Variants in WWOX observed in about 807,000 individuals in gnomAD.
WWOX encodes WW domain containing oxidoreductase, also known as WW domain-containing oxidoreductase.
A neutral mutation model predicts 46.2 loss-of-function variants in WWOX; 69 were observed. The observed-to-expected ratio is 1.49, with a 90% confidence interval of 1.23 to 1.82. WWOX has a LOEUF of 1.82. Ranked by LOEUF, WWOX falls within the 40% of genes most tolerant of loss-of-function variation. WWOX has a pLI of 0.00. For synonymous variants in WWOX, 359 were observed against 202.6 expected, an observed-to-expected ratio of 1.77 and a Z score of -6.56; for missense variants, 919 against 542.6, an observed-to-expected ratio of 1.69 and a Z score of -6.89.
intron 8 of WWOX, among the ~76,000 whole-genome samples, chr16:78,853,381 T>C (rs2052494977): frequency 1.3e-5 from 2 of 152,090 alleles, no homozygotes; most frequent in African/African-American, 2.4e-5. Context: ...CCCGACTGAT[T>C]TTTGTATTTT....
intron 8 of WWOX, among the ~76,000 whole-genome samples, chr16:78,995,521 G>A (rs1383952908): frequency 6.6e-6 from 1 of 151,934 alleles, no homozygotes; most frequent in Non-Finnish European, 1.5e-5. Context: ...AACTTGGAGA[G>A]CATTCTTCTA....
At chr16:78,807,077 C>T (rs1386367271) in intron 8 of WWOX, among the ~76,000 whole-genome samples, 2 of 152,198 alleles carry the variant, frequency 1.3e-5, no homozygotes, top group African/African-American at 4.8e-5. Flanking sequence ...AAGCATCCAC[C>T]AAGTGCCTGG....
At chr16:78,857,668 C>T (rs1001662781) in intron 8 of WWOX, among the ~76,000 whole-genome samples, 4 of 152,308 alleles carry the variant, frequency 2.6e-5, no homozygotes, top group Middle Eastern at 3.4e-3. Context: ...AATGCCTCCA[C>T]CAAGGCTGAA....
chr16:78,212,556 T>C (rs1008441557), intron 5 of WWOX, among the ~76,000 whole-genome samples: 1 of 152,188 alleles, frequency 6.6e-6, no homozygotes, highest in Non-Finnish European at 1.5e-5. Context: ...AGCTGAAATG[T>C]GGGTGAGTTC....
chr16:79,056,111 A>G (rs2048257190), intron 8 of WWOX, among the ~76,000 whole-genome samples: 1 of 151,922 alleles, frequency 6.6e-6, no homozygotes, highest in Non-Finnish European at 1.5e-5. Context: ...CACTATCCCC[A>G]TTAAATTCTC....
intron 8 of WWOX, among the ~76,000 whole-genome samples, chr16:78,738,795 T>A (rs1364293): frequency 6.6e-6 from 1 of 152,018 alleles, no homozygotes; most frequent in Non-Finnish European, 1.5e-5. Context: ...GCCATTGCCT[T>A]GACCACAAAG....
intron 8 of WWOX, among the ~76,000 whole-genome samples, chr16:79,055,321 C>G (rs1414465598): frequency 6.6e-6 from 1 of 152,196 alleles, no homozygotes; most frequent in Non-Finnish European, 1.5e-5. Flanking sequence ...CTTTTCTACT[C>G]ATCTCATTGA....
chr16:78,638,277 C>T (rs1258964520), intron 8 of WWOX, among the ~76,000 whole-genome samples: 1 of 152,188 alleles, frequency 6.6e-6, no homozygotes, highest in South Asian at 2.1e-4. Flanking sequence ...TGGCCAGGGG[C>T]AGAGTCAGGA....
chr16:78,553,691 G>A (rs1012108639), intron 8 of WWOX, among the ~76,000 whole-genome samples: 1 of 152,136 alleles, frequency 6.6e-6, no homozygotes, highest in East Asian at 1.9e-4. Flanking sequence ...CCATGATAGA[G>A]AACCTTTCCC....
intron 8 of WWOX, among the ~76,000 whole-genome samples, chr16:78,943,317 G>A (rs1453672352): frequency 5.4e-5 from 8 of 147,140 alleles, no homozygotes. Flanking sequence ...CGAGTAAAAA[G>A]CAACCCGAGA....
At chr16:78,107,682 C>T (rs149486854) in intron 1 of WWOX, among the ~76,000 whole-genome samples, 48 of 152,208 alleles carry the variant, frequency 3.2e-4, no homozygotes, top group Non-Finnish European at 5.3e-4. Flanking sequence ...AAAGAATAAA[C>T]ATTTTAGCTG....
At chr16:78,930,770 A>T (rs1415983535) in intron 8 of WWOX, among the ~76,000 whole-genome samples, 9 of 152,128 alleles carry the variant, frequency 5.9e-5, no homozygotes, top group Admixed American at 5.9e-4. Flanking sequence ...GCAAGGTTCC[A>T]CGGCACCTGT....
chr16:78,870,046 C>G (rs1168157235), intron 8 of WWOX, among the ~76,000 whole-genome samples: 1 of 152,196 alleles, frequency 6.6e-6, no homozygotes, highest in African/African-American at 2.4e-5. Flanking sequence ...CTTCTTCCAT[C>G]AACTACAAAT....
intron 8 of WWOX, among the ~76,000 whole-genome samples, chr16:79,057,857 A>T (rs1385417430): frequency 6.6e-6 from 1 of 152,184 alleles, no homozygotes. Context: ...CTGTTGTATC[A>T]TCTGAATTAT....
At chr16:78,572,097 C>G (rs2044729767) in intron 8 of WWOX, among the ~76,000 whole-genome samples, 1 of 152,184 alleles carries the variant, frequency 6.6e-6, no homozygotes, top group Non-Finnish European at 1.5e-5. Flanking sequence ...CTTAGAGAAA[C>G]TGTTGAGAAC....
chr16:78,108,558 G>C, intron 2 of WWOX, 71 bp downstream of exon 2: 1 of 1,535,460 alleles, frequency 6.5e-7, no homozygotes, highest in Non-Finnish European at 9.0e-7. Flanking sequence ...CTGGCAGAGA[G>C]GTGACAGGTT....
At chr16:79,093,674 G>A (rs532713527) in intron 8 of WWOX, among the ~76,000 whole-genome samples, 3 of 152,220 alleles carry the variant, frequency 2.0e-5, no homozygotes, top group South Asian at 4.2e-4. Context: ...ACTTCCTGTC[G>A]AGGCACAGGC....
chr16:78,274,882 T>C (rs2079548716), intron 5 of WWOX, among the ~76,000 whole-genome samples: 1 of 152,198 alleles, frequency 6.6e-6, no homozygotes. Context: ...ACTGAGTCTC[T>C]ACTGCTTGCA....
chr16:78,888,681 T>C (rs2044520432), intron 8 of WWOX, among the ~76,000 whole-genome samples: 1 of 152,192 alleles, frequency 6.6e-6, no homozygotes, highest in Non-Finnish European at 1.5e-5. Flanking sequence ...GATGCTCTTG[T>C]GGCTGGATGT....
Sources: allele counts gnomAD v4.1 joint callset (sites outside exome capture counted in the v4.1 genomes callset), GRCh38; gene constraint gnomAD v4.1.1; transcripts MANE v1.5; gene names NCBI Gene and HGNC (gene_info 2026-07-23, HGNC 2026-07-21).